The following ASTN2 variants were observed in gnomAD, a reference collection of about 807,000 sequenced individuals.
The protein encoded by ASTN2 is astrotactin-2.
ASTN2 carries 54 observed loss-of-function variants against 139.8 expected under a neutral mutation model. The observed-to-expected ratio is 0.39, with a 90% CI of 0.31 to 0.48. The LOEUF is 0.48. Among genes scored for constraint, ASTN2 ranks in the 20% least tolerant of loss-of-function variants. The pLI, the probability that ASTN2 is intolerant of heterozygous loss-of-function variation, is 0.95. For synonymous variants in ASTN2, 756 were observed against 719.5 expected (o/e 1.05, Z -0.81); for missense variants, 1,565 against 1,725.1 (o/e 0.91, Z 1.64).
At chr9:116,471,470 G>A (rs1379272209) in intron 20 of ASTN2, among the ~76,000 whole-genome samples, 5 of 152,156 alleles carry the variant, frequency 3.3e-5, no homozygotes, top group Non-Finnish European at 7.3e-5. Flanking sequence ...ACATGCTAAT[G>A]CAAATCAGTC....
chr9:117,147,438 AACACACAC>A (rs35703147), intron 3 of ASTN2, among the ~76,000 whole-genome samples: 1 of 148,264 alleles, frequency 6.7e-6, no homozygotes, highest in African/African-American at 2.5e-5. Context: ...TCTGACTCAA[AACACACAC>A]ACACACACAC....
At chr9:116,760,919 G>A (rs556210258) in intron 13 of ASTN2, among the ~76,000 whole-genome samples, 1 of 152,228 alleles carries the variant, frequency 6.6e-6, no homozygotes, top group East Asian at 1.9e-4. Context: ...AGGGTTGGGG[G>A]AGGAGGGGAG....
In ASTN2 at chr9:117,378,528, C is replaced by T. The variant is rs112879059; in HGVS notation, c.442+35969G>A. ...AAACACCATTCTCAGGGAGACATTA[C>T]GAACATCAGTTGTTCCCTTTCCTCC... On this transcript the variant is annotated intron_variant, in intron 1 of 22. Coordinates refer to ENST00000313400, the MANE Select transcript of ASTN2 (RefSeq NM_001365068.1). 1.3e-3 allele frequency among the ~76,000 whole-genome samples: 196 copies of T among 152,260 alleles called. No individual in the cohort carries two copies. The South Asian group carries it at 0.034, about 26-fold the overall frequency.
intron 2 of ASTN2, among the ~76,000 whole-genome samples, chr9:117,269,771 T>C (rs948192831): frequency 1.3e-5 from 2 of 152,238 alleles, no homozygotes; most frequent in Non-Finnish European, 2.9e-5. Context: ...GTTTAGCAGA[T>C]ATGAATAGTT....
chr9:117,126,266 T>C (rs1375860596), intron 4 of ASTN2, among the ~76,000 whole-genome samples: 1 of 152,198 alleles, frequency 6.6e-6, no homozygotes, highest in African/African-American at 2.4e-5. Flanking sequence ...GTAATGTGAA[T>C]GCAAGTCTTG....
At chr9:117,144,992 T>TA (rs1554782840) in intron 3 of ASTN2, among the ~76,000 whole-genome samples, 27 of 151,206 alleles carry the variant, frequency 1.8e-4, no homozygotes, top group African/African-American at 5.4e-4. Context: ...TCTTTTTTTT[T>TA]AAAAACTTTT....
chr9:116,457,724 A>G (rs1199799107), intron 20 of ASTN2, among the ~76,000 whole-genome samples: 2 of 152,182 alleles, frequency 1.3e-5, no homozygotes, highest in Admixed American at 6.5e-5. Context: ...AGATGTGGAG[A>G]AAGGGAAACC....
chr9:116,822,708 C>G (rs1362568805), intron 11 of ASTN2, among the ~76,000 whole-genome samples: 2 of 152,118 alleles, frequency 1.3e-5, no homozygotes, highest in Non-Finnish European at 2.9e-5. Flanking sequence ...AGCGCTTTAC[C>G]CGTTTTAACT....
chr9:116,935,778 T>C (rs117191526), intron 10 of ASTN2, among the ~76,000 whole-genome samples: 3,548 of 152,266 alleles, frequency 0.023, 60 homozygotes, highest in Middle Eastern at 0.058. Flanking sequence ...TCCCTCTTGT[T>C]TTGAGCATTA....
intron 22 of ASTN2, among the ~76,000 whole-genome samples, chr9:116,426,396 T>C (rs2118796503): frequency 6.6e-6 from 1 of 152,330 alleles, no homozygotes; most frequent in Non-Finnish European, 1.5e-5. Context: ...GGTATTATTA[T>C]AATGATTAAA....
intron 3 of ASTN2, among the ~76,000 whole-genome samples, chr9:117,192,361 G>C (rs1831371890): frequency 6.7e-6 from 1 of 148,756 alleles, no homozygotes; most frequent in Admixed American, 6.8e-5. Flanking sequence ...CATTCTACAA[G>C]TGACATTTGG....
intron 1 of ASTN2, among the ~76,000 whole-genome samples, chr9:117,373,389 G>T (rs893239144): frequency 6.6e-6 from 1 of 152,130 alleles, no homozygotes; most frequent in African/African-American, 2.4e-5. Flanking sequence ...GCCAAGGAAA[G>T]GGTTATCTTT....
chr9:117,041,053 C>CA (rs1838552655), intron 5 of ASTN2, among the ~76,000 whole-genome samples: 1 of 151,972 alleles, frequency 6.6e-6, no homozygotes, highest in Non-Finnish European at 1.5e-5. Context: ...GCAGAGAGTA[C>CA]GGGGGGTGGT....
intron 19 of ASTN2, chr9:116,582,844 G>C (rs901695763): frequency 2.6e-5 from 4 of 152,172 alleles, no homozygotes; most frequent in African/African-American, 9.7e-5. Context: ...TTTCCTACAG[G>C]ATAAAGTCCA....
At chr9:117,179,520 G>A (rs1189290031) in intron 3 of ASTN2, among the ~76,000 whole-genome samples, 1 of 152,118 alleles carries the variant, frequency 6.6e-6, no homozygotes, top group African/African-American at 2.4e-5. Flanking sequence ...TAACACTAGG[G>A]AAGGGATTAG....
chr9:117,175,115 G>C (rs1477227797), intron 3 of ASTN2, among the ~76,000 whole-genome samples: 1 of 151,876 alleles, frequency 6.6e-6, no homozygotes, highest in Non-Finnish European at 1.5e-5. Flanking sequence ...ACATCTTCTG[G>C]CTTCAATCAA....
intron 19 of ASTN2, among the ~76,000 whole-genome samples, chr9:116,500,337 A>C (rs890810844): frequency 1.3e-5 from 2 of 152,208 alleles, no homozygotes; most frequent in African/African-American, 4.8e-5. Context: ...ATTTAGGGGA[A>C]GGTGAATCTC....
chr9:116,668,195 CTT>C (rs35261157), intron 16 of ASTN2, among the ~76,000 whole-genome samples: 44 of 137,406 alleles, frequency 3.2e-4, no homozygotes, highest in Admixed American at 5.2e-4. Flanking sequence ...TTCAGATTGG[CTT>C]TTTTTTTTTT....
chr9:117,210,373 T>C (rs1391953012), intron 3 of ASTN2, among the ~76,000 whole-genome samples: 2 of 152,052 alleles, frequency 1.3e-5, no homozygotes, highest in African/African-American at 4.8e-5. Flanking sequence ...TCACAATGGA[T>C]ATCACAGAAA....
Sources: allele counts gnomAD v4.1 joint callset (sites outside exome capture counted in the v4.1 genomes callset), GRCh38; gene constraint gnomAD v4.1.1; transcripts MANE v1.5; gene names NCBI Gene and HGNC (gene_info 2026-07-23, HGNC 2026-07-21).